The following RET variants were observed in gnomAD, a reference collection of about 807,000 sequenced individuals.
The protein encoded by RET is proto-oncogene tyrosine-protein kinase receptor Ret.
In RET, 19 loss-of-function variants were observed where a neutral mutation model predicts 118.3. The observed-to-expected ratio is 0.16, with a 90% CI of 0.11 to 0.24. The LOEUF (loss-of-function observed/expected upper bound fraction) is 0.24. Ranked by LOEUF, RET falls within the 10% of genes least tolerant of loss-of-function variation. The probability of loss-of-function intolerance (pLI) is 1.00; values close to 1 mark genes in which losing one functional copy is unlikely to be tolerated. For missense variants in RET, 1,219 were observed against 1,502.1 expected (o/e 0.81, Z 3.12); for synonymous variants, 597 against 644.1 (o/e 0.93, Z 1.11).
chr10:43,092,178 A>C (rs1390906857), intron 1 of RET, among the ~76,000 whole-genome samples: 1 of 152,252 alleles, frequency 6.6e-6, no homozygotes, highest in East Asian at 1.9e-4. Context: ...AAAATTTGCC[A>C]CATCCTATGC....
At chr10:43,124,855 A>G in intron 17 of RET, 28 bp from the exon 18 acceptor site, 1 of 1,610,812 alleles carries the variant, frequency 6.2e-7, no homozygotes. Flanking sequence ...TGCTTGGATC[A>G]TATTGGCCTG....
chr10:43,079,160 G>A (rs1837122030), intron 1 of RET, among the ~76,000 whole-genome samples: 1 of 152,170 alleles, frequency 6.6e-6, no homozygotes, highest in South Asian at 2.1e-4. Context: ...TCTAGAGGAT[G>A]AGGGTTCTTC....
intron 1 of RET, among the ~76,000 whole-genome samples, chr10:43,099,186 G>A (rs1385019278): frequency 6.6e-6 from 1 of 152,074 alleles, no homozygotes; most frequent in Admixed American, 6.6e-5. Flanking sequence ...AGCGCCTTCA[G>A]TGATTCATTT....
Position 43,114,842 on chromosome 10 carries a change from C to T in RET, c.2136+106C>T, listed in dbSNP as rs569239612. 18 of 1,251,374 alleles carry T rather than the reference C, an allele frequency of 1.4e-5. No individual in the cohort carries two copies. The highest frequency in any genetic ancestry group is 2.6e-4 in the Middle Eastern group (1 of 3,838). The allele number at this position is 1,251,374 out of a possible 1,614,324, so 77.5% of individuals were successfully genotyped here. On this transcript the variant is annotated intron_variant, in intron 11 of 19. Coordinates refer to ENST00000355710, the MANE Select transcript of RET (RefSeq NM_020975.6). This position sits in a 1 kb window ranked among gnomAD's most constrained non-coding sequence, Gnocchi z 4.6. Reference sequence around the variant, plus strand: ...AGGCCATCCTGTGAGGGGCTGCCAACGCTGGGCAGACGAGGCCTGTGTTCT... The same window carrying T: ...AGGCCATCCTGTGAGGGGCTGCCAATGCTGGGCAGACGAGGCCTGTGTTCT...
intron 12 of RET, among the ~76,000 whole-genome samples, chr10:43,117,199 G>C (rs1473894386): frequency 6.6e-6 from 1 of 152,250 alleles, no homozygotes; most frequent in East Asian, 1.9e-4. Flanking sequence ...GCATGCGACT[G>C]CACTGAGTAG....
At chr10:43,085,167 G>A (rs986515216) in intron 1 of RET, among the ~76,000 whole-genome samples, 3 of 152,138 alleles carry the variant, frequency 2.0e-5, no homozygotes, top group Non-Finnish European at 4.4e-5. Context: ...CTGCTTGGTG[G>A]GGGTGGAACA....
chr10:43,129,633 G>T lies in RET; in HGVS notation c.*1364G>T, dbSNP rs1384871411. The T allele has an allele frequency of 3.8e-6, 1 of 261,990 alleles. No homozygotes were observed. Among genetic ancestry groups the T allele is most frequent in the Non-Finnish European group, 7.2e-6 (1 of 138,290 alleles). The allele number at this position is 261,990 out of a possible 1,614,324, so 16.2% of individuals were successfully genotyped here. ...AAAAGAGTCGGATTACCAAAACACT[G>T]CCTGCTCTTCAGACTTAAAGCACTG... is the stretch of plus-strand genomic sequence containing the variant. On this transcript the variant is annotated 3_prime_UTR_variant, in exon 20 of 20. Coordinates refer to ENST00000355710, the MANE Select transcript of RET (RefSeq NM_020975.6).
chr10:43,079,111 C>T (rs977807645), intron 1 of RET, among the ~76,000 whole-genome samples: 2 of 152,212 alleles, frequency 1.3e-5, no homozygotes, highest in Non-Finnish European at 2.9e-5. Context: ...GGACGCTGCA[C>T]TTTAGTGGCT....
intron 3 of RET, among the ~76,000 whole-genome samples, chr10:43,103,047 C>A (rs943848158): frequency 6.6e-6 from 1 of 152,158 alleles, no homozygotes; most frequent in Non-Finnish European, 1.5e-5. Context: ...TGGGAGGGTG[C>A]CGGGTAGGCA....
intron 1 of RET, among the ~76,000 whole-genome samples, chr10:43,080,781 C>G (rs1290568252): frequency 6.6e-6 from 1 of 152,222 alleles, no homozygotes; most frequent in Non-Finnish European, 1.5e-5. Flanking sequence ...GGGAGGAGCA[C>G]CAGGCATGGC....
intron 3 of RET, 33 bp from the exon 4 acceptor site, chr10:43,104,919 A>C (rs756523432): frequency 4.5e-6 from 7 of 1,545,618 alleles, no homozygotes; most frequent in Non-Finnish European, 6.1e-6. Flanking sequence ...CCGGCTGGTG[A>C]TCACGCGGGG....
At chr10:43,099,780 C>T (rs766963274) in intron 1 of RET, among the ~76,000 whole-genome samples, 27 of 152,196 alleles carry the variant, frequency 1.8e-4, no homozygotes, top group Non-Finnish European at 2.6e-4. Flanking sequence ...CATGTGCGCT[C>T]TTCTCTGCCT....
At position 43,113,543 on chromosome 10, in the gene RET, C is replaced by T. The variant is rs376709486; in HGVS notation, c.1760-13C>T. ...GCGCCCCAGGAGGCTGAGTGGGCTACGTCTGCCCTCAGGGGGCAGCATTGT... is the reference window on the plus strand; with the variant it reads ...GCGCCCCAGGAGGCTGAGTGGGCTATGTCTGCCCTCAGGGGGCAGCATTGT... On this transcript the variant is annotated splice_polypyrimidine_tract_variant and intron_variant, in intron 9 of 19. Transcript: ENST00000355710. 4.5e-5 allele frequency: 72 copies of T among 1,600,496 alleles called. 1 individual carries two copies. The Admixed American group carries it at 1.0e-3, about 22-fold the overall frequency.
At position 43,109,243 on chromosome 10, in the gene RET, C is replaced by T; in HGVS notation, c.1263+13C>T. On this transcript the variant is annotated intron_variant, in intron 6 of 19. Transcript: ENST00000355710. ...CCGATTTGCCCAGGTGAGCCCATAC[C>T]TATTGCCTGTCTGGGGAAGATTGAA... The T allele has an allele frequency of 6.2e-7, 1 of 1,611,078 alleles. No individual in the cohort carries two copies. Among genetic ancestry groups the T allele is most frequent in the South Asian group, 1.1e-5 (1 of 90,938 alleles).
intron 1 of RET, among the ~76,000 whole-genome samples, chr10:43,085,411 C>T (rs1221662398): frequency 6.6e-6 from 1 of 152,212 alleles, no homozygotes; most frequent in Non-Finnish European, 1.5e-5. Context: ...CTTGCCTCAT[C>T]GTCAGTGGCC....
At chr10:43,113,960 G>C (rs891384053) in intron 10 of RET, among the ~76,000 whole-genome samples, 2 of 152,180 alleles carry the variant, frequency 1.3e-5, no homozygotes, top group East Asian at 3.9e-4. Context: ...CATGCAGCTG[G>C]GACCCACCCA....
At position 43,100,579 on chromosome 10, in the gene RET, G is replaced by T; in HGVS notation, c.194G>T (p.Ser65Ile). ...ALRDAPEEVP[S>I]FRLGQHLYGT... is the part of the protein sequence containing the mutation. ...CGGGACGCCCCTGAGGAGGTGCCCA[G>T]CTTCCGCCTGGGCCAGCATCTCTAC... is the stretch of plus-strand genomic sequence containing the variant. The change falls in exon 2 of 20, where the codon AGC becomes ATC. Residue 65 changes from serine (S) to isoleucine (I), a missense_variant. Ser to Ile is a moderately radical substitution (Grantham distance 142, BLOSUM62 -2). Transcript: ENST00000355710. 6.2e-7 allele frequency: 1 copy of T among 1,613,894 alleles called. No individual in the cohort carries two copies. Among genetic ancestry groups the T allele is most frequent in the Non-Finnish European group, 8.5e-7 (1 of 1,180,020 alleles).
Position 43,121,940 on chromosome 10 carries a change from C to T in RET, c.2731-6C>T. The T allele has an allele frequency of 6.2e-7, 1 of 1,609,930 alleles. No individual in the cohort carries two copies. Among genetic ancestry groups the T allele is most frequent in the Non-Finnish European group, 8.5e-7 (1 of 1,176,122 alleles). On this transcript the variant is annotated splice_region_variant and splice_polypyrimidine_tract_variant and intron_variant, in intron 15 of 19. Transcript: ENST00000355710. ...CTTCAATGTCTTTATTCCATCTTCT[C>T]TTTAGGGTCGGATTCCAGTTAAATG... is the stretch of plus-strand genomic sequence containing the variant.
At chr10:43,122,894 G>C (rs1838249409) in intron 16 of RET, among the ~76,000 whole-genome samples, 1 of 152,236 alleles carries the variant, frequency 6.6e-6, no homozygotes, top group African/African-American at 2.4e-5. Context: ...ACAGGCGAGA[G>C]CCACCACGCC....
Sources: allele counts gnomAD v4.1 joint callset (sites outside exome capture counted in the v4.1 genomes callset), GRCh38; gene constraint gnomAD v4.1.1; non-coding constraint Gnocchi (gnomAD v3.1); transcripts MANE v1.5; gene names NCBI Gene and HGNC (gene_info 2026-07-23, HGNC 2026-07-21).